LUZP2: variants seen among roughly 807,000 people sequenced by gnomAD.
LUZP2 encodes leucine zipper protein 2.
LUZP2 carries 52 observed loss-of-function variants against 51.6 expected under a neutral mutation model. The observed-to-expected ratio is 1.01, with a 90% confidence interval of 0.81 to 1.27. LUZP2 has a LOEUF of 1.27. Ranked by LOEUF, LUZP2 falls within the 50% of genes most tolerant of loss-of-function variation. The probability of loss-of-function intolerance (pLI) is 0.00; values close to 1 mark genes in which losing one functional copy is unlikely to be tolerated. For synonymous variants in LUZP2, 154 were observed against 137.3 expected (o/e 1.12, Z -0.85); for missense variants, 436 against 395.4 (o/e 1.10, Z -0.87).
At chr11:25,054,409 A>AT (rs1256532075) in intron 10 of LUZP2, among the ~76,000 whole-genome samples, 2 of 151,636 alleles carry the variant, frequency 1.3e-5, no homozygotes, top group Admixed American at 6.6e-5. Flanking sequence ...AAGCACACTG[A>AT]TTTTTTTTCT....
chr11:24,812,414 A>G (rs1442364866), intron 5 of LUZP2, among the ~76,000 whole-genome samples: 2 of 152,182 alleles, frequency 1.3e-5, no homozygotes, highest in African/African-American at 2.4e-5. Flanking sequence ...TAGTAAATAC[A>G]TATTCTAACA....
At chr11:25,008,602 C>A (rs187340192) in intron 9 of LUZP2, among the ~76,000 whole-genome samples, 1 of 152,168 alleles carries the variant, frequency 6.6e-6, no homozygotes, top group Non-Finnish European at 1.5e-5. Context: ...GGGAGGGTTA[C>A]AATGTTACAG....
intron 1 of LUZP2, among the ~76,000 whole-genome samples, chr11:24,670,161 T>C (rs1227003193): frequency 6.6e-6 from 1 of 152,084 alleles, no homozygotes; most frequent in African/African-American, 2.4e-5. Context: ...AAAAATATAG[T>C]GTTCATAGAA....
chr11:24,875,094 C>CT (rs939830396), intron 5 of LUZP2, among the ~76,000 whole-genome samples: 9 of 151,114 alleles, frequency 6.0e-5, no homozygotes, highest in Admixed American at 2.0e-4. Flanking sequence ...TTACACTCCT[C>CT]TTTTTTTTTA....
intron 7 of LUZP2, among the ~76,000 whole-genome samples, chr11:24,928,729 A>C (rs557401428): frequency 2.0e-4 from 31 of 152,118 alleles, no homozygotes; most frequent in African/African-American, 7.0e-4. Flanking sequence ...TATTACTGTG[A>C]TACTGGATTC....
intron 9 of LUZP2, among the ~76,000 whole-genome samples, chr11:24,984,973 A>G (rs1396598404): frequency 1.3e-5 from 2 of 151,502 alleles, no homozygotes; most frequent in Non-Finnish European, 3.0e-5. Flanking sequence ...TGATCTGTTT[A>G]ATGTTATTTA....
At chr11:25,076,544 G>A (rs11028401) in intron 10 of LUZP2, among the ~76,000 whole-genome samples, 63,557 of 150,082 alleles carry the variant, frequency 0.42, 14,694 homozygotes, top group Non-Finnish European at 0.52. Context: ...AGGGAGGAAG[G>A]AAGAGAGGAG....
At chr11:24,585,422 T>C (rs1205324292) in intron 1 of LUZP2, among the ~76,000 whole-genome samples, 3 of 152,190 alleles carry the variant, frequency 2.0e-5, no homozygotes, top group African/African-American at 7.2e-5. Flanking sequence ...ATTTTATATC[T>C]TTTACTTTTG....
At chr11:25,050,604 G>C (rs1475991356) in intron 10 of LUZP2, among the ~76,000 whole-genome samples, 1 of 152,006 alleles carries the variant, frequency 6.6e-6, no homozygotes, top group Non-Finnish European at 1.5e-5. Flanking sequence ...GAGCCTGGCC[G>C]TAAATGTTCT....
intron 7 of LUZP2, among the ~76,000 whole-genome samples, chr11:24,966,122 C>T (rs1855574580): frequency 2.0e-5 from 3 of 151,660 alleles, no homozygotes; most frequent in South Asian, 4.1e-4. Context: ...TTCTCATGAG[C>T]ATTTTTGTAT....
At chr11:24,768,979 A>C (rs1860297767) in intron 5 of LUZP2, among the ~76,000 whole-genome samples, 1 of 152,232 alleles carries the variant, frequency 6.6e-6, no homozygotes, top group Admixed American at 6.5e-5. Context: ...ACAATAGCTA[A>C]GATATGGAAT....
At chr11:24,646,909 AAT>A (rs1855477942) in intron 1 of LUZP2, among the ~76,000 whole-genome samples, 1 of 152,122 alleles carries the variant, frequency 6.6e-6, no homozygotes, top group African/African-American at 2.4e-5. Flanking sequence ...GTAATGTTAT[AAT>A]ATATAATTTA....
chr11:24,727,430 G>A lies in LUZP2; in HGVS notation c.63-1739G>A, dbSNP rs1047031811. 7.2e-5 allele frequency among the ~76,000 whole-genome samples: 11 copies of A among 151,928 alleles called. No homozygotes were observed. The East Asian group carries it at 7.7e-4, about 11-fold the overall frequency. ...AAATAGGTACGGATGTGTTATGCAC[G>A]TCATTTCATTTACTCTTCAGAACAA... On this transcript the variant is annotated intron_variant, in intron 1 of 11. Coordinates refer to ENST00000336930, the MANE Select transcript of LUZP2 (RefSeq NM_001009909.4).
chr11:24,586,238 T>C (rs1005578234), intron 1 of LUZP2, among the ~76,000 whole-genome samples: 1 of 152,140 alleles, frequency 6.6e-6, no homozygotes, highest in African/African-American at 2.4e-5. Flanking sequence ...AAATTTTTCC[T>C]ATTCAATTTC....
At chr11:24,925,926 T>C (rs908759749) in intron 7 of LUZP2, among the ~76,000 whole-genome samples, 5 of 151,888 alleles carry the variant, frequency 3.3e-5, no homozygotes, top group African/African-American at 1.2e-4. Flanking sequence ...CCAAAGTCCA[T>C]TGTATTATTC....
At chr11:24,729,460 G>C (rs373035940) in intron 2 of LUZP2, among the ~76,000 whole-genome samples, 174 bp downstream of exon 2, 2 of 151,904 alleles carry the variant, frequency 1.3e-5, no homozygotes, top group South Asian at 4.1e-4. Context: ...ATATAGTCTA[G>C]GAATCTGTGT....
rs573762706 is a variant in LUZP2 at position 24,515,398 on chromosome 11, G to A, written c.62+18093G>A. 6.2e-4 allele frequency among the ~76,000 whole-genome samples: 95 copies of A among 152,164 alleles called. 1 individual carries two copies. The highest frequency in any genetic ancestry group is 2.2e-3 in the African/African-American group (90 of 41,508). ...TAACTTGGCAATTGGTTGGTTTATA[G>A]CAATTAAGGATATATAAATTAATTC... is the stretch of plus-strand genomic sequence containing the variant. On this transcript the variant is annotated intron_variant, in intron 1 of 11. Coordinates refer to ENST00000336930, the MANE Select transcript of LUZP2 (RefSeq NM_001009909.4).
At chr11:24,630,673 C>CTATT (rs375008402) in intron 1 of LUZP2, among the ~76,000 whole-genome samples, 49 of 131,636 alleles carry the variant, frequency 3.7e-4, no homozygotes, top group African/African-American at 7.3e-4. Flanking sequence ...GCTATTCCGA[C>CTATT]TTTTTTTTTT....
intron 1 of LUZP2, among the ~76,000 whole-genome samples, chr11:24,637,813 G>A (rs1855155524): frequency 6.6e-6 from 1 of 151,896 alleles, no homozygotes; most frequent in Admixed American, 6.6e-5. Flanking sequence ...GAGGGACACA[G>A]ACCCTCATCA....
Sources: allele counts gnomAD v4.1 joint callset (sites outside exome capture counted in the v4.1 genomes callset), GRCh38; gene constraint gnomAD v4.1.1; transcripts MANE v1.5; gene names NCBI Gene and HGNC (gene_info 2026-07-23, HGNC 2026-07-21).